NUBPL: variants seen among roughly 807,000 people sequenced by gnomAD.
The protein encoded by NUBPL is NUBP iron-sulfur cluster assembly factor, mitochondrial, also known as iron-sulfur cluster transfer protein NUBPL.
In NUBPL, 31 loss-of-function variants were observed where a neutral mutation model predicts 45.7. The observed-to-expected ratio is 0.68, with a 90% confidence interval of 0.51 to 0.92. The LOEUF is 0.92. Among genes scored for constraint, NUBPL ranks in the 40% least tolerant of loss-of-function variants. NUBPL has a pLI of 0.00. For synonymous variants in NUBPL, 144 were observed against 140.9 expected (o/e 1.02, Z -0.15); for missense variants, 401 against 398.7 (o/e 1.01, Z -0.05).
At chr14:31,712,033 T>C (rs1405875899) in intron 6 of NUBPL, among the ~76,000 whole-genome samples, 1 of 152,130 alleles carries the variant, frequency 6.6e-6, no homozygotes, top group Non-Finnish European at 1.5e-5. Context: ...AGATTTATTG[T>C]GAAGAGCAAA....
chr14:31,820,817 T>TC (rs2040005858), intron 7 of NUBPL, among the ~76,000 whole-genome samples: 1 of 118,848 alleles, frequency 8.4e-6, no homozygotes, highest in Non-Finnish European at 1.7e-5. Context: ...AGAGCAAGAC[T>TC]CCGTCTCAAA....
chr14:31,574,556 C>CCTACCTTTATCTTAGTTAATGTATA (rs1566422143), intron 3 of NUBPL, among the ~76,000 whole-genome samples: 1 of 146,146 alleles, frequency 6.8e-6, no homozygotes, highest in African/African-American at 2.5e-5. Flanking sequence ...TAAGCCACTG[C>CCTACCTTTATCTTAGTTAATGTATA]GCCTGGCCTA....
intron 9 of NUBPL, among the ~76,000 whole-genome samples, chr14:31,847,262 G>A (rs7149861): frequency 0.16 from 24,816 of 152,074 alleles, 6,009 homozygotes; most frequent in African/African-American, 0.53. Flanking sequence ...TGTCTGTTCC[G>A]TATGTTGTAA....
chr14:31,647,014 A>G (rs985080665), intron 4 of NUBPL, among the ~76,000 whole-genome samples: 2 of 152,128 alleles, frequency 1.3e-5, no homozygotes, highest in Non-Finnish European at 2.9e-5. Context: ...TTTTCACTTC[A>G]GCAAACATAT....
intron 6 of NUBPL, among the ~76,000 whole-genome samples, chr14:31,682,238 C>T (rs76950044): frequency 0.047 from 7,141 of 151,966 alleles, 210 homozygotes; most frequent in Admixed American, 0.066. Context: ...GTTATGTATT[C>T]GTGGTGAATT....
At chr14:31,793,716 T>G (rs2039425077) in intron 7 of NUBPL, among the ~76,000 whole-genome samples, 1 of 152,140 alleles carries the variant, frequency 6.6e-6, no homozygotes, top group South Asian at 2.1e-4. Flanking sequence ...ATAGTATCTT[T>G]TAAAGTACCT....
intron 4 of NUBPL, among the ~76,000 whole-genome samples, chr14:31,614,969 TAAG>T (rs2034857578): frequency 6.6e-6 from 1 of 152,186 alleles, no homozygotes; most frequent in Non-Finnish European, 1.5e-5. Flanking sequence ...GAGTCTGTTG[TAAG>T]AAGGTATTGA....
intron 10 of NUBPL, among the ~76,000 whole-genome samples, chr14:31,851,876 T>G (rs2040543273): frequency 6.6e-6 from 1 of 152,258 alleles, no homozygotes; most frequent in South Asian, 2.1e-4. Context: ...AGATTTTTAT[T>G]ATGGTTTTCA....
chr14:31,597,968 T>G (rs968652658), intron 3 of NUBPL, among the ~76,000 whole-genome samples: 2 of 152,128 alleles, frequency 1.3e-5, no homozygotes, highest in African/African-American at 4.8e-5. Context: ...GTTAAATTGG[T>G]CAAATTTCTC....
rs145879573 is a variant in NUBPL, at chr14:31,817,046, G to C, written c.608-9583G>C. On this transcript the variant is annotated intron_variant, in intron 7 of 10. Coordinates refer to ENST00000281081, the MANE Select transcript of NUBPL (RefSeq NM_025152.3). ...TTCGTGAAGCATTCACAGGTTATCAGTATCCTAATTGATCAAGCAGAAGAA... is the reference window on the plus strand; with the variant it reads ...TTCGTGAAGCATTCACAGGTTATCACTATCCTAATTGATCAAGCAGAAGAA... 6.8e-3 allele frequency among the ~76,000 whole-genome samples: 1,036 copies of C among 152,040 alleles called. 5 individuals carry two copies. The highest frequency in any genetic ancestry group is 9.8e-3 in the Non-Finnish European group (666 of 67,978).
At chr14:31,600,171 C>T (rs1356282665) in intron 4 of NUBPL, among the ~76,000 whole-genome samples, 5 of 152,054 alleles carry the variant, frequency 3.3e-5, no homozygotes, top group Non-Finnish European at 7.4e-5. Context: ...ATCCACCCAC[C>T]TCACCCTCAA....
intron 3 of NUBPL, among the ~76,000 whole-genome samples, chr14:31,586,940 A>G (rs1193001680): frequency 6.6e-6 from 1 of 152,218 alleles, no homozygotes; most frequent in Non-Finnish European, 1.5e-5. Flanking sequence ...TTACTCTATT[A>G]ATGTCACTTA....
chr14:31,620,708 G>A lies in NUBPL; in HGVS notation c.382+21329G>A, dbSNP rs565275714. ...GCCAGCCAGAGCTGTCCTGTATGAG[G>A]TGTCTGTTGGCCCCTACTGGGAGGT... On this transcript the variant is annotated intron_variant, in intron 4 of 10. Transcript: ENST00000281081. 7.0e-4 allele frequency among the ~76,000 whole-genome samples: 106 copies of A among 152,292 alleles called. 1 individual carries two copies. The South Asian group carries it at 0.021, about 30-fold the overall frequency.
chr14:31,586,244 T>C (rs1057018861), intron 3 of NUBPL, among the ~76,000 whole-genome samples: 1 of 152,188 alleles, frequency 6.6e-6, no homozygotes, highest in African/African-American at 2.4e-5. Flanking sequence ...GACCGATATA[T>C]TAATACATAT....
chr14:31,760,441 C>T (rs1390682576), intron 6 of NUBPL, among the ~76,000 whole-genome samples: 1 of 152,118 alleles, frequency 6.6e-6, no homozygotes, highest in Non-Finnish European at 1.5e-5. Flanking sequence ...GCATGAGCCA[C>T]TGCACCTGGC....
At position 31,666,248 on chromosome 14, in the gene NUBPL, TATATATATATA is replaced by T. The variant is rs1566487046; in HGVS notation, c.383-7106_383-7096del. On this transcript the variant is annotated intron_variant, in intron 4 of 10. Transcript: ENST00000281081. ...TTTAAGATATATATATATATATATATATATATATATATATAATTTTATTTTATTTTTTTTGA... is the reference window on the plus strand; with the variant it reads ...TTTAAGATATATATATATATATATATTATAATTTTATTTTATTTTTTTTGA... Among the ~76,000 whole-genome samples the T allele has an allele frequency of 1.8e-3, 72 of 39,746 alleles. 6 individuals are homozygous for T. In the Admixed American group the frequency reaches 0.021, roughly 12 times the overall value. The allele number at this position is 39,746 out of a possible 152,430, so 26.1% of individuals were successfully genotyped here. A position where few individuals can be genotyped will look rare whatever the true frequency, so the allele number is the denominator to read the frequency against.
At chr14:31,645,783 CCCA>C in intron 4 of NUBPL, among the ~76,000 whole-genome samples, 1 of 137,554 alleles carries the variant, frequency 7.3e-6, no homozygotes, top group South Asian at 2.9e-4. Context: ...CACCCCCCCC[CCCA>C]CATTTTGACT....
intron 4 of NUBPL, among the ~76,000 whole-genome samples, chr14:31,626,155 T>G (rs1482991835): frequency 8.4e-6 from 1 of 118,378 alleles, no homozygotes; most frequent in African/African-American, 7.7e-5. Context: ...CTTTATCTTA[T>G]TTTATTTTAT....
At chr14:31,811,515 C>T (rs1022902771) in intron 7 of NUBPL, among the ~76,000 whole-genome samples, 2 of 152,010 alleles carry the variant, frequency 1.3e-5, no homozygotes, top group East Asian at 1.9e-4. Context: ...GTTAGCCATT[C>T]GTCTAATCTT....
Sources: allele counts gnomAD v4.1 joint callset (sites outside exome capture counted in the v4.1 genomes callset), GRCh38; gene constraint gnomAD v4.1.1; transcripts MANE v1.5; gene names NCBI Gene and HGNC (gene_info 2026-07-23, HGNC 2026-07-21).